SLC9A6: variants seen among roughly 807,000 people sequenced by gnomAD.
The protein encoded by SLC9A6 is sodium/hydrogen exchanger 6.
Under a neutral mutation model 45.3 loss-of-function variants are expected in SLC9A6, and 6 were observed. The ratio of observed to expected loss-of-function variants is 0.13; its 90% CI spans 0.07 to 0.26. SLC9A6 has a LOEUF of 0.26. SLC9A6 is among the 10% of genes least tolerant of loss of function. The probability of loss-of-function intolerance (pLI) is 1.00; values close to 1 mark genes in which losing one functional copy is unlikely to be tolerated. For synonymous variants in SLC9A6, 191 were observed against 187.7 expected, an observed-to-expected ratio of 1.02 and a Z score of -0.14; for missense variants, 278 against 503.7, an observed-to-expected ratio of 0.55 and a Z score of 4.29.
intron 16 of SLC9A6, among the ~76,000 whole-genome samples, chrX:136,037,416 C>T (rs1157150645): frequency 4.5e-5 from 5 of 112,270 alleles, no homozygotes; most frequent in African/African-American, 1.6e-4. Context: ...CTCTCATTAA[C>T]GATTTGTACT....
chrX:136,005,035 A>G (rs1425431262), intron 7 of SLC9A6, among the ~76,000 whole-genome samples: 1 of 112,187 alleles, frequency 8.9e-6, no homozygotes, highest in Non-Finnish European at 1.9e-5. Flanking sequence ...CTAGACAACT[A>G]TTCTACTGTT....
Position 135,985,842 on chromosome X carries a change from C to A in SLC9A6, c.169+15C>A. 1 of 1,209,724 alleles carries A rather than the reference C, an allele frequency of 8.3e-7. No individual in the cohort carries two copies. Among genetic ancestry groups the A allele is most frequent in the Non-Finnish European group, 1.1e-6 (1 of 895,043 alleles). On this transcript the variant is annotated intron_variant, in intron 2 of 17. Coordinates refer to ENST00000630721, the MANE Select transcript of SLC9A6 (RefSeq NM_001379110.1). ...TATGATTTATGGCAAGTTCCTCAAC[C>A]CTTGTCAGCCCCTTGGCGCTGCCCC...
chrX:136,025,542 A>G (rs2071211247), intron 13 of SLC9A6, among the ~76,000 whole-genome samples: 1 of 112,399 alleles, frequency 8.9e-6, no homozygotes, highest in East Asian at 2.8e-4. Context: ...TTACTATTCA[A>G]ATCTCTTATA....
At position 135,985,748 on chromosome X, in the gene SLC9A6, C is replaced by A. The variant is rs782806095; in HGVS notation, c.90C>A (p.Thr30=). Residue 30 remains threonine, a synonymous_variant, in exon 2 of 18, where the codon ACC becomes ACA. Transcript: ENST00000630721. ...TGCTCATCTTCATCCTGCTGCTCAC[C>A]CTCACCATTCTCACAATCTGGCTCT... ...ANLLIFILLL[T]LTILTIWLFK... The A allele has an allele frequency of 8.3e-7, 1 of 1,209,727 alleles. No homozygotes were observed. Among genetic ancestry groups the A allele is most frequent in the Non-Finnish European group, 1.1e-6 (1 of 895,024 alleles).
chrX:135,995,273 G>A (rs186307820), intron 3 of SLC9A6, among the ~76,000 whole-genome samples: 14 of 111,646 alleles, frequency 1.3e-4, no homozygotes, highest in Admixed American at 5.7e-4. Context: ...ATTTATAAGC[G>A]TTTCTTTCCA....
At position 136,003,331 on chromosome X, in the gene SLC9A6, C is replaced by A. The variant is rs62603062; in HGVS notation, c.743+1118C>A. ...TAGTCTCTTACCTATCTTAGTATTTCTTTATTCAAATGCAGGCACAACCGT... is the reference window on the plus strand; with the variant it reads ...TAGTCTCTTACCTATCTTAGTATTTATTTATTCAAATGCAGGCACAACCGT... On this transcript the variant is annotated intron_variant, in intron 7 of 17. Transcript: ENST00000630721. Among the ~76,000 whole-genome samples the A allele has an allele frequency of 2.7e-3, 300 of 112,484 alleles. 1 individual carries two copies. The highest frequency in any genetic ancestry group is 4.7e-3 in the Non-Finnish European group (250 of 53,274).
chrX:136,020,213 A>G (rs1199656258), intron 11 of SLC9A6, among the ~76,000 whole-genome samples: 1 of 111,641 alleles, frequency 9.0e-6, no homozygotes, highest in Non-Finnish European at 1.9e-5. Context: ...GGAAGTTGCT[A>G]TGAGCAAGGA....
intron 6 of SLC9A6, among the ~76,000 whole-genome samples, chrX:136,000,014 G>A (rs1001495428): frequency 7.3e-5 from 8 of 109,441 alleles, no homozygotes; most frequent in Non-Finnish European, 1.3e-4. Context: ...TTGGGAGGCC[G>A]AGATGGTAGG....
At chrX:136,027,911 A>G (rs1556620701) in intron 13 of SLC9A6, among the ~76,000 whole-genome samples, 1 of 112,520 alleles carries the variant, frequency 8.9e-6, no homozygotes, top group East Asian at 2.8e-4. Context: ...GTCCTTTCAC[A>G]TAGTTTGTGA....
chrX:136,010,414 A>G, intron 7 of SLC9A6, 28 bp from the exon 8 acceptor site: 1 of 1,206,861 alleles, frequency 8.3e-7, no homozygotes, highest in Non-Finnish European at 1.1e-6. Flanking sequence ...GGTTGTTTTC[A>G]GAAGTAAAAG....
intron 7 of SLC9A6, among the ~76,000 whole-genome samples, chrX:136,004,287 CTG>C (rs2089624826): frequency 9.2e-6 from 1 of 108,886 alleles, no homozygotes; most frequent in Non-Finnish European, 1.9e-5. Context: ...CGGGGTTTCA[CTG>C]TGTTGGCCAG....
chrX:136,041,169 C>G (rs1225278804), intron 17 of SLC9A6, among the ~76,000 whole-genome samples: 1 of 111,548 alleles, frequency 9.0e-6, no homozygotes. Context: ...ACAAACCTTT[C>G]AGAAATAATC....
At chrX:135,985,503 A>C in intron 1 of SLC9A6, 26 bp downstream of exon 1, 1 of 1,095,380 alleles carries the variant, frequency 9.1e-7, no homozygotes, top group East Asian at 3.4e-5. Flanking sequence ...GGGGGGAGAC[A>C]TGGCTCGGCG....
rs781979699 is a variant in SLC9A6, at chrX:135,986,698, T to TTTA, written c.169+895_169+897dup. On this transcript the variant is annotated intron_variant, in intron 2 of 17. Transcript: ENST00000630721. ...TTGTGTCTCAGTCTGCTTTCTGAGG[T>TTTA]TTATTATTATTATTATTATTATTAT... Among the ~76,000 whole-genome samples the TTTA allele has an allele frequency of 4.0e-3, 436 of 109,417 alleles. 3 individuals are homozygous for TTTA. Among genetic ancestry groups the TTTA allele is most frequent in the African/African-American group, 0.011 (335 of 30,110 alleles).
At chrX:136,027,712 T>G (rs1556620687) in intron 13 of SLC9A6, among the ~76,000 whole-genome samples, 3 of 112,369 alleles carry the variant, frequency 2.7e-5, no homozygotes, top group African/African-American at 9.7e-5. Flanking sequence ...TAGGCTGTAC[T>G]TTGTGGACCC....
rs1161692442 is a variant in SLC9A6 at position 136,041,421 on chromosome X, A to T, written c.1767+1240A>T. Among the ~76,000 whole-genome samples the T allele has an allele frequency of 4.5e-5, 5 of 111,667 alleles. No individual in the cohort carries two copies. In the East Asian group the frequency reaches 1.4e-3, roughly 32 times the overall value. On this transcript the variant is annotated intron_variant, in intron 17 of 17. Coordinates refer to ENST00000630721, the MANE Select transcript of SLC9A6 (RefSeq NM_001379110.1). The stretch of plus-strand genomic sequence containing the variant: ...CATCTGGGCCAGGGAGGAGCATCCT[A>T]CGGCTTTGTGTTATGTCGTGTCAGT...
intron 16 of SLC9A6, among the ~76,000 whole-genome samples, chrX:136,034,365 T>C (rs2071379652): frequency 9.0e-6 from 1 of 111,494 alleles, no homozygotes; most frequent in Non-Finnish European, 1.9e-5. Flanking sequence ...CAAAACTGTT[T>C]TGTTCCCAGC....
At chrX:135,976,613 A>AG (rs2089264534) in intron 1 of SLC9A6, among the ~76,000 whole-genome samples, 1 of 111,287 alleles carries the variant, frequency 9.0e-6, no homozygotes, top group African/African-American at 3.3e-5. Flanking sequence ...CAAAAAAAAA[A>AG]AAGAAAAAAG....
intron 16 of SLC9A6, among the ~76,000 whole-genome samples, chrX:136,034,757 A>G (rs1453759654): frequency 8.9e-6 from 1 of 111,966 alleles, no homozygotes; most frequent in African/African-American, 3.2e-5. Flanking sequence ...AAATTAAATT[A>G]TTGTATGGAA....
Sources: gnomAD v4.1 joint callset for allele counts (sites outside exome capture counted in the v4.1 genomes callset) on GRCh38, gnomAD v4.1.1 for gene constraint, MANE v1.5 for transcripts, NCBI Gene and HGNC (gene_info 2026-07-23, HGNC 2026-07-21) for gene names.